LDLRAP1: variants seen among roughly 807,000 people sequenced by gnomAD.
LDLRAP1 encodes the protein low density lipoprotein receptor adaptor protein 1, also known as low density lipoprotein receptor adapter protein 1.
In LDLRAP1, 30 loss-of-function variants were observed where a neutral mutation model predicts 37.8. That is an observed-to-expected ratio of 0.79 (90% CI 0.59 to 1.08). The LOEUF is 1.08. LDLRAP1 is among the 50% of genes least tolerant of loss of function. LDLRAP1 has a pLI of 0.00. For missense variants in LDLRAP1, 375 were observed against 401.6 expected (o/e 0.93, Z 0.57); for synonymous variants, 156 against 169.8 (o/e 0.92, Z 0.63).
chr1:25,545,671 G>T (rs1175850897), intron 1 of LDLRAP1, among the ~76,000 whole-genome samples: 3 of 152,138 alleles, frequency 2.0e-5, no homozygotes, highest in Non-Finnish European at 4.4e-5. Flanking sequence ...CCAAAGTGCT[G>T]TCCTGGAGCC....
At chr1:25,581,502 C>G in the LDLRAP1 span, 1 of 152,232 alleles carries the variant, frequency 6.6e-6, no homozygotes, top group African/African-American at 2.4e-5. Context: ...ACATCGGGAG[C>G]TCCTGTGTGC....
chr1:25,572,105 G>GT (rs2044612616), downstream of LDLRAP1, among the ~76,000 whole-genome samples: 1 of 152,230 alleles, frequency 6.6e-6, no homozygotes, highest in South Asian at 2.1e-4. Flanking sequence ...CAAAGGAAGG[G>GT]TAGAATGGTT....
chr1:25,561,033 A>G (rs2044330328), intron 4 of LDLRAP1, among the ~76,000 whole-genome samples: 1 of 152,282 alleles, frequency 6.6e-6, no homozygotes, highest in East Asian at 1.9e-4. Flanking sequence ...AATGTATGCA[A>G]GTGAACAATC....
intron 5 of LDLRAP1, 62 bp from the exon 6 acceptor site, chr1:25,563,008 T>TGATTGCTGGGGACA: frequency 6.6e-7 from 1 of 1,504,022 alleles, no homozygotes; most frequent in Non-Finnish European, 9.3e-7. Context: ...CCCTGCCCGG[T>TGATTGCTGGGGACA]GATTGCTGGG....
chr1:25,574,324 G>A, the LDLRAP1 span, among the ~76,000 whole-genome samples: 2 of 152,202 alleles, frequency 1.3e-5, no homozygotes, highest in African/African-American at 4.8e-5. Flanking sequence ...TCGAGGACAC[G>A]AAGGCTGCAC....
At chr1:25,580,011 T>C in the LDLRAP1 span, among the ~76,000 whole-genome samples, 1 of 152,132 alleles carries the variant, frequency 6.6e-6, no homozygotes, top group South Asian at 2.1e-4. Flanking sequence ...AGAAAGGAAC[T>C]TATTGGAAAG....
chr1:25,544,802 C>T lies in LDLRAP1; in HGVS notation c.88+1016C>T, dbSNP rs1030401844. 5.9e-5 allele frequency among the ~76,000 whole-genome samples: 9 copies of T among 152,232 alleles called. No individual in the cohort carries two copies. Among genetic ancestry groups the T allele is most frequent in the African/African-American group, 4.8e-5 (2 of 41,460 alleles). On this transcript the variant is annotated intron_variant, in intron 1 of 8. Transcript: ENST00000374338. This position sits in a 1 kb window ranked among gnomAD's most constrained non-coding sequence, Gnocchi z 4.8. ...ACTCCCACCTCCCTGCCACCTACTT[C>T]GGGCCACAGCTTCTCCCCTCATCAG...
downstream of LDLRAP1, among the ~76,000 whole-genome samples, chr1:25,573,449 C>T (rs1221032251): frequency 6.6e-6 from 1 of 152,050 alleles, no homozygotes; most frequent in African/African-American, 2.4e-5. Context: ...GGCTGCATCC[C>T]GGGGCAGAGC....
intron 1 of LDLRAP1, 71 bp downstream of exon 1, chr1:25,543,857 G>A (rs2043863645): frequency 2.0e-6 from 2 of 1,023,884 alleles, no homozygotes; most frequent in East Asian, 7.5e-5. Context: ...GCGGGCGCCC[G>A]GAGTGCGGCC....
the LDLRAP1 span, among the ~76,000 whole-genome samples, chr1:25,585,395 G>A: frequency 4.6e-5 from 7 of 151,020 alleles, no homozygotes; most frequent in Non-Finnish European, 8.8e-5. Flanking sequence ...GCACGACCTC[G>A]GCTCACTGCA....
At chr1:25,551,110 T>C (rs2044061867) in intron 1 of LDLRAP1, among the ~76,000 whole-genome samples, 1 of 152,098 alleles carries the variant, frequency 6.6e-6, no homozygotes, top group Admixed American at 6.6e-5. Flanking sequence ...TGGGGCCTTG[T>C]GCTGAGAAAG....
intron 3 of LDLRAP1, among the ~76,000 whole-genome samples, chr1:25,556,273 G>C (rs1015406072): frequency 2.6e-5 from 4 of 152,184 alleles, no homozygotes; most frequent in South Asian, 4.1e-4. Context: ...CTCTGAGGCT[G>C]ACTGGAGGCA....
chr1:25,554,921 T>C lies in LDLRAP1; in HGVS notation c.293T>C (p.Ile98Thr). The C allele has an allele frequency of 6.2e-7, 1 of 1,614,220 alleles. No individual in the cohort carries two copies. Residue 98 changes from isoleucine (I) to threonine (T), a missense_variant, in exon 3 of 9, where the codon ATC becomes ACC. Physicochemically the swap from Ile to Thr is moderately conservative, Grantham distance 89. Transcript: ENST00000374338. This position sits in a 1 kb window ranked among gnomAD's most constrained non-coding sequence, Gnocchi z 5.4. ...CTGAAGGTGTCGCCACGGGGAATTA[T>C]CCTGACAGACAACCTCACCAACCAG... ...VTLKVSPRGI[I>T]LTDNLTNQLI...
the LDLRAP1 span, among the ~76,000 whole-genome samples, chr1:25,576,698 G>C: frequency 6.6e-6 from 1 of 152,234 alleles, no homozygotes; most frequent in African/African-American, 2.4e-5. Flanking sequence ...AAGGAACGGG[G>C]CCAAGATTCA....
the LDLRAP1 span, among the ~76,000 whole-genome samples, chr1:25,584,881 C>T: frequency 6.6e-6 from 1 of 152,212 alleles, no homozygotes; most frequent in Non-Finnish European, 1.5e-5. Flanking sequence ...CTGCTGCTAT[C>T]CTGTTCCACC....
the LDLRAP1 span, among the ~76,000 whole-genome samples, chr1:25,587,347 T>C: frequency 6.6e-6 from 1 of 152,042 alleles, no homozygotes; most frequent in African/African-American, 2.4e-5. Flanking sequence ...AGAGACAGGG[T>C]CTTACCATGT....
At chr1:25,565,287 C>G in intron 8 of LDLRAP1, 80 bp downstream of exon 8, 1 of 1,509,774 alleles carries the variant, frequency 6.6e-7, no homozygotes, top group South Asian at 1.1e-5. Context: ...GGGGACCTTT[C>G]CCCTGATTAA....
chr1:25,548,096 A>G (rs1210342853), intron 1 of LDLRAP1, among the ~76,000 whole-genome samples: 1 of 152,212 alleles, frequency 6.6e-6, no homozygotes, highest in Non-Finnish European at 1.5e-5. Flanking sequence ...AGTGCTGTCA[A>G]TTATGAGCCA....
Position 25,563,091 on chromosome 1 carries a change from C to T in LDLRAP1, c.554C>T (p.Ala185Val). 1 of 1,614,088 alleles carries T rather than the reference C, an allele frequency of 6.2e-7. No individual in the cohort carries two copies. Among genetic ancestry groups the T allele is most frequent in the Non-Finnish European group, 8.5e-7 (1 of 1,179,988 alleles). Residue 185 changes from alanine (A) to valine (V), a missense_variant, in exon 6 of 9, where the codon GCC (alanine) becomes GTC (valine). Physicochemically the swap from Ala to Val is moderately conservative, Grantham distance 64. Transcript: ENST00000374338. ...GCAGAGAAAGAGAAGAGGGACAAAGCCAGCCAAGAGGGAGGGGACGTCCTG... is the reference window on the plus strand; with the variant it reads ...GCAGAGAAAGAGAAGAGGGACAAAGTCAGCCAAGAGGGAGGGGACGTCCTG... ...SKEEKEKRDK[A>V]SQEGGDVLGA...
Sources: allele counts gnomAD v4.1 joint callset (sites outside exome capture counted in the v4.1 genomes callset), GRCh38; gene constraint gnomAD v4.1.1; non-coding constraint Gnocchi (gnomAD v3.1); transcripts MANE v1.5; gene names NCBI Gene and HGNC (gene_info 2026-07-23, HGNC 2026-07-21).